Variants in CFAP161 observed in about 807,000 individuals in gnomAD.
CFAP161 encodes cilia- and flagella-associated protein 161.
CFAP161 carries 25 observed loss-of-function variants against 29.0 expected under a neutral mutation model. That is an observed-to-expected ratio of 0.86 (90% CI 0.63 to 1.20). The LOEUF is 1.20. Ranked by LOEUF, CFAP161 falls within the 50% of genes most tolerant of loss-of-function variation. CFAP161 has a pLI of 0.00. For missense variants in CFAP161, 367 were observed against 371.9 expected (o/e 0.99, Z 0.11); for synonymous variants, 116 against 137.4 (o/e 0.84, Z 1.09).
intron 1 of CFAP161, among the ~76,000 whole-genome samples, chr15:81,114,764 C>G (rs918342880): frequency 1.4e-4 from 22 of 152,006 alleles, no homozygotes; most frequent in Non-Finnish European, 2.5e-4. Flanking sequence ...CCCGGGTTCA[C>G]GTCATTCTCC....
chr15:81,146,237 A>C (rs910550110), intron 5 of CFAP161, among the ~76,000 whole-genome samples: 1 of 152,196 alleles, frequency 6.6e-6, no homozygotes, highest in African/African-American at 2.4e-5. Context: ...CCTGGATGGC[A>C]GGGCTGCCTT....
intron 1 of CFAP161, among the ~76,000 whole-genome samples, chr15:81,112,845 T>C (rs953787318): frequency 6.6e-6 from 1 of 152,190 alleles, no homozygotes; most frequent in Non-Finnish European, 1.5e-5. Flanking sequence ...ATAGCTAGTT[T>C]ATGTCAAAAT....
chr15:81,129,085 A>G (rs1486371932), intron 2 of CFAP161, among the ~76,000 whole-genome samples: 1 of 152,154 alleles, frequency 6.6e-6, no homozygotes, highest in African/African-American at 2.4e-5. Flanking sequence ...GTACATCTCC[A>G]TCAGAGCTCT....
At chr15:81,144,473 G>A (rs1894972546) in intron 5 of CFAP161, among the ~76,000 whole-genome samples, 1 of 152,166 alleles carries the variant, frequency 6.6e-6, no homozygotes, top group African/African-American at 2.4e-5. Context: ...GCACACACCT[G>A]TAATCCAAGC....
upstream of CFAP161, among the ~76,000 whole-genome samples, chr15:81,132,299 T>G (rs986428837): frequency 1.3e-5 from 2 of 151,066 alleles, no homozygotes; most frequent in African/African-American, 4.9e-5. Context: ...AATAAGGGAG[T>G]CCAGAGGTAG....
intron 4 of CFAP161, among the ~76,000 whole-genome samples, chr15:81,139,671 A>G (rs545079272): frequency 6.6e-6 from 1 of 152,292 alleles, no homozygotes; most frequent in Non-Finnish European, 1.5e-5. Flanking sequence ...TCTCTTTTAT[A>G]TGTAAAGTTC....
chr15:81,148,221 C>A, intron 6 of CFAP161, 117 bp from the exon 7 acceptor site: 1 of 1,064,646 alleles, frequency 9.4e-7, no homozygotes, highest in East Asian at 2.5e-5. Context: ...TAGAGATTCC[C>A]TAGGGCTTTA....
intron 1 of CFAP161, among the ~76,000 whole-genome samples, chr15:81,108,813 A>G (rs545711101): frequency 2.6e-3 from 394 of 152,388 alleles, no homozygotes; most frequent in Admixed American, 4.9e-3. Context: ...CAATGTTACC[A>G]GCCATTTAGT....
chr15:81,138,647 T>C (rs1894853539), intron 4 of CFAP161, among the ~76,000 whole-genome samples: 1 of 152,202 alleles, frequency 6.6e-6, no homozygotes. Flanking sequence ...GGTTTGAATT[T>C]CAGGTGCGTA....
intron 1 of CFAP161, among the ~76,000 whole-genome samples, chr15:81,115,337 C>G (rs1045684984): frequency 6.6e-6 from 1 of 152,158 alleles, no homozygotes; most frequent in African/African-American, 2.4e-5. Context: ...TTTGATGTCT[C>G]TGGATGCTGG....
intron 1 of CFAP161, among the ~76,000 whole-genome samples, chr15:81,105,092 C>CCCTCCCTTCCTCCCTCCCTCCCTCCCTT (rs1555448583): frequency 6.5e-4 from 35 of 53,452 alleles, no homozygotes; most frequent in Non-Finnish European, 1.1e-3. Flanking sequence ...CTTTTCTTTT[C>CCCTCCCTTCCTCCCTCCCTCCCTCCCTT]CCTCCCTCCC....
chr15:81,116,439 G>A (rs959487876), intron 1 of CFAP161, among the ~76,000 whole-genome samples: 1 of 152,160 alleles, frequency 6.6e-6, no homozygotes, highest in African/African-American at 2.4e-5. Flanking sequence ...GACTACAGGC[G>A]CACGCCATAA....
At chr15:81,127,631 C>T (rs1217875820) in exon 2 of CFAP161, 2 of 106,858 alleles carry the variant, frequency 1.9e-5, no homozygotes, top group East Asian at 4.1e-4. Context: ...ATTTAAAAAG[C>T]CTCTACCAAA....
At chr15:81,141,266 G>C (rs1226451508) in intron 4 of CFAP161, among the ~76,000 whole-genome samples, 1 of 151,950 alleles carries the variant, frequency 6.6e-6, no homozygotes, top group Non-Finnish European at 1.5e-5. Flanking sequence ...TTTTGTTAAG[G>C]GTTTTTCCTT....
At chr15:81,124,879 GCATAA>G (rs1894620969) in intron 1 of CFAP161, among the ~76,000 whole-genome samples, 1 of 151,850 alleles carries the variant, frequency 6.6e-6, no homozygotes, top group South Asian at 2.1e-4. Flanking sequence ...TTCTGATTGT[GCATAA>G]CATAATTTTT....
rs760388025 is a variant in CFAP161 at position 81,147,925 on chromosome 15, T to C, written c.704T>C (p.Phe235Ser). The change falls in exon 6 of 7, where the codon TTC becomes TCC. Residue 235 changes from phenylalanine to serine, a missense_variant. Physicochemically the swap from Phe to Ser is radical, Grantham distance 155. Transcript: ENST00000286732. ...GGACTGGCAGCCCACCGGCATCTTT[T>C]CTTAAGGTATTGTATTTCAGGGTAC... is the stretch of plus-strand genomic sequence containing the variant. ...NRGLAAHRHL[F>S]LSTYFGKEAE... The C allele has an allele frequency of 6.2e-6, 10 of 1,608,682 alleles. No homozygotes were observed. Among genetic ancestry groups the C allele is most frequent in the Middle Eastern group, 1.7e-4 (1 of 6,054 alleles).
At chr15:81,101,261 C>T (rs1056570798) in intron 1 of CFAP161, among the ~76,000 whole-genome samples, 8 of 150,256 alleles carry the variant, frequency 5.3e-5, no homozygotes, top group African/African-American at 1.2e-4. Flanking sequence ...GGCTGGGTGC[C>T]GTGGCCTGTC....
intron 1 of CFAP161, among the ~76,000 whole-genome samples, chr15:81,124,796 T>C (rs1894620039): frequency 6.6e-6 from 1 of 152,170 alleles, no homozygotes; most frequent in South Asian, 2.1e-4. Flanking sequence ...TTTATGTGCA[T>C]AGAGCTGTTT....
intron 1 of CFAP161, among the ~76,000 whole-genome samples, chr15:81,122,197 A>G (rs546923667): frequency 1.5e-4 from 23 of 152,270 alleles, no homozygotes; most frequent in Admixed American, 3.3e-4. Context: ...TGTCTTTATA[A>G]TAGAATGATT....
Sources: allele counts gnomAD v4.1 joint callset (sites outside exome capture counted in the v4.1 genomes callset), GRCh38; gene constraint gnomAD v4.1.1; transcripts MANE v1.5; gene names NCBI Gene and HGNC (gene_info 2026-07-23, HGNC 2026-07-21).